The following MTUS2 variants were observed in gnomAD, a reference collection of about 807,000 sequenced individuals.
MTUS2 encodes microtubule-associated tumor suppressor candidate 2.
Under a neutral mutation model 114.1 loss-of-function variants are expected in MTUS2, and 40 were observed. The ratio of observed to expected loss-of-function variants is 0.35; its 90% CI spans 0.27 to 0.46. MTUS2 has a LOEUF of 0.46. Among genes scored for constraint, MTUS2 ranks in the 20% least tolerant of loss-of-function variants. MTUS2 has a pLI of 1.00. For missense variants in MTUS2, 1,679 were observed against 1,705.4 expected (o/e 0.98, Z 0.27); for synonymous variants, 688 against 672.0 (o/e 1.02, Z -0.37).
intron 5 of MTUS2, among the ~76,000 whole-genome samples, chr13:29,141,942 C>G (rs1468480100): frequency 6.7e-6 from 1 of 149,540 alleles, no homozygotes; most frequent in African/African-American, 2.5e-5. Flanking sequence ...TCACTTCAAG[C>G]TCCACCTCCC....
chr13:29,089,910 A>G (rs1889861346), intron 4 of MTUS2, among the ~76,000 whole-genome samples: 1 of 152,138 alleles, frequency 6.6e-6, no homozygotes, highest in Non-Finnish European at 1.5e-5. Flanking sequence ...CTTGACATCC[A>G]TATTTTGATT....
intron 2 of MTUS2, among the ~76,000 whole-genome samples, chr13:28,973,263 C>A (rs932653460): frequency 6.6e-6 from 1 of 152,156 alleles, no homozygotes; most frequent in Non-Finnish European, 1.5e-5. Context: ...AATGAAACAA[C>A]ACTTCTGACA....
intron 2 of MTUS2, among the ~76,000 whole-genome samples, chr13:28,962,899 G>C (rs2758215): frequency 0.88 from 134,540 of 152,100 alleles, 59,671 homozygotes; most frequent in East Asian, 1. Context: ...GCTTGCAGGA[G>C]AAATGCCCTG....
chr13:29,146,424 T>G (rs1268931554), intron 5 of MTUS2, among the ~76,000 whole-genome samples: 1 of 152,216 alleles, frequency 6.6e-6, no homozygotes, highest in Non-Finnish European at 1.5e-5. Context: ...AGAGTTACAC[T>G]CGCATTTCTT....
intron 2 of MTUS2, among the ~76,000 whole-genome samples, chr13:28,906,066 T>C (rs1879987390): frequency 6.6e-6 from 1 of 151,678 alleles, no homozygotes; most frequent in Non-Finnish European, 1.5e-5. Context: ...TATTCTCTGA[T>C]GGTAGTTTAT....
intron 2 of MTUS2, among the ~76,000 whole-genome samples, chr13:28,867,930 A>G (rs1877398467): frequency 6.6e-6 from 1 of 152,162 alleles, no homozygotes; most frequent in South Asian, 2.1e-4. Flanking sequence ...TAGGGCCCTG[A>G]TGGTTTAATG....
intron 7 of MTUS2, among the ~76,000 whole-genome samples, chr13:29,347,119 T>G (rs1868775081): frequency 6.6e-6 from 1 of 152,120 alleles, no homozygotes; most frequent in South Asian, 2.1e-4. Flanking sequence ...GTTCACAGTG[T>G]GTCTCCACAA....
chr13:29,236,630 A>G (rs1235009394), intron 5 of MTUS2, among the ~76,000 whole-genome samples: 1 of 152,248 alleles, frequency 6.6e-6, no homozygotes, highest in African/African-American at 2.4e-5. Flanking sequence ...GCTATGAGAA[A>G]TGGAAACAGA....
chr13:28,871,882 G>A (rs1877639152), intron 2 of MTUS2, among the ~76,000 whole-genome samples: 1 of 152,108 alleles, frequency 6.6e-6, no homozygotes, highest in African/African-American at 2.4e-5. Flanking sequence ...AGACAGAAAA[G>A]CAAGTGCAAA....
chr13:29,013,305 A>G (rs962023419), intron 2 of MTUS2, among the ~76,000 whole-genome samples: 2 of 151,986 alleles, frequency 1.3e-5, no homozygotes, highest in African/African-American at 4.8e-5. Flanking sequence ...AACCTGTCTC[A>G]TGAAGCAATG....
At chr13:29,207,704 T>G (rs1895248356) in intron 5 of MTUS2, among the ~76,000 whole-genome samples, 1 of 152,230 alleles carries the variant, frequency 6.6e-6, no homozygotes, top group African/African-American at 2.4e-5. Flanking sequence ...TTTTTAATTC[T>G]GTTTATGTGG....
intron 5 of MTUS2, among the ~76,000 whole-genome samples, chr13:29,103,425 A>G (rs1890510212): frequency 6.6e-6 from 1 of 152,234 alleles, no homozygotes; most frequent in South Asian, 2.1e-4. Context: ...GTATTGGTAT[A>G]TGTAACAATA....
chr13:29,424,377 C>T (rs1334562036), intron 8 of MTUS2, among the ~76,000 whole-genome samples: 1 of 151,926 alleles, frequency 6.6e-6, no homozygotes, highest in Non-Finnish European at 1.5e-5. Context: ...AGAAGTCACC[C>T]CAGTTGAAGA....
At chr13:28,893,101 A>G (rs970915793) in intron 2 of MTUS2, among the ~76,000 whole-genome samples, 3 of 152,172 alleles carry the variant, frequency 2.0e-5, no homozygotes, top group Admixed American at 1.3e-4. Context: ...TCAGGTGTAT[A>G]TGGAGGTTCT....
intron 2 of MTUS2, among the ~76,000 whole-genome samples, chr13:28,987,768 T>TA (rs1401649682): frequency 1.3e-5 from 2 of 152,216 alleles, no homozygotes; most frequent in Non-Finnish European, 2.9e-5. Context: ...TGTGTTTCCA[T>TA]AAAAAGCACA....
At chr13:28,906,504 C>A (rs183051532) in intron 2 of MTUS2, among the ~76,000 whole-genome samples, 5 of 151,562 alleles carry the variant, frequency 3.3e-5, no homozygotes, top group Admixed American at 2.6e-4. Flanking sequence ...GCCTTCATTT[C>A]GTTATGTACC....
At chr13:29,154,846 A>T (rs1004939879) in intron 5 of MTUS2, among the ~76,000 whole-genome samples, 1 of 152,216 alleles carries the variant, frequency 6.6e-6, no homozygotes, top group Non-Finnish European at 1.5e-5. Flanking sequence ...AGTTTTGCTT[A>T]TATTTTGAGT....
chr13:29,192,148 G>T (rs1264211053), intron 5 of MTUS2, among the ~76,000 whole-genome samples: 1 of 152,190 alleles, frequency 6.6e-6, no homozygotes, highest in Non-Finnish European at 1.5e-5. Context: ...GTTTGTGTGT[G>T]TGCTGTTAAA....
intron 2 of MTUS2, among the ~76,000 whole-genome samples, chr13:28,959,070 C>G (rs532851126): frequency 7.0e-4 from 106 of 152,200 alleles, no homozygotes; most frequent in African/African-American, 2.3e-3. Context: ...CTTCTTGCCT[C>G]ATCTGTCTCA....
Sources: gnomAD v4.1 joint callset for allele counts (sites outside exome capture counted in the v4.1 genomes callset) on GRCh38, gnomAD v4.1.1 for gene constraint, MANE v1.5 for transcripts, NCBI Gene and HGNC (gene_info 2026-07-23, HGNC 2026-07-21) for gene names.